PARD3B: variants seen among roughly 807,000 people sequenced by gnomAD.
PARD3B encodes the protein par-3 family cell polarity regulator beta, also known as partitioning defective 3 homolog B.
Under a neutral mutation model 130.2 loss-of-function variants are expected in PARD3B, and 103 were observed. The ratio of observed to expected loss-of-function variants is 0.79; its 90% CI spans 0.67 to 0.93. PARD3B has a LOEUF of 0.93. Ranked by LOEUF, PARD3B falls within the 40% of genes least tolerant of loss-of-function variation. The pLI is 0.00. For missense variants in PARD3B, 1,609 were observed against 1,499.2 expected (o/e 1.07, Z -1.21); for synonymous variants, 583 against 553.2 (o/e 1.05, Z -0.76).
intron 16 of PARD3B, among the ~76,000 whole-genome samples, chr2:205,259,606 A>G (rs1162810326): frequency 6.6e-6 from 1 of 151,974 alleles, no homozygotes; most frequent in Non-Finnish European, 1.5e-5. Flanking sequence ...AATGTTTTTT[A>G]TCACTTCTGG....
intron 1 of PARD3B, 165 bp downstream of exon 1, chr2:204,546,284 G>C (rs1196668181): frequency 2.0e-6 from 2 of 1,010,882 alleles, no homozygotes; most frequent in Non-Finnish European, 1.4e-6. Context: ...GGTGTCTTTG[G>C]GTGTTTGTGG....
intron 1 of PARD3B, among the ~76,000 whole-genome samples, chr2:204,602,056 C>G (rs911483523): frequency 8.6e-5 from 13 of 151,952 alleles, no homozygotes; most frequent in Admixed American, 3.3e-4. Context: ...TATTTCTCAT[C>G]TAGGGTAGAT....
At chr2:205,144,768 A>G (rs2033224290) in intron 10 of PARD3B, among the ~76,000 whole-genome samples, 1 of 152,158 alleles carries the variant, frequency 6.6e-6, no homozygotes, top group Non-Finnish European at 1.5e-5. Context: ...TGGAATTTCG[A>G]ATTATTTATC....
At position 205,550,870 on chromosome 2, in the gene PARD3B, A is replaced by G. The variant is rs1414923389; in HGVS notation, c.3181-2454A>G. On this transcript the variant is annotated intron_variant, in intron 21 of 22. Transcript: ENST00000406610. The surrounding 1 kb of genome is among the most constrained non-coding windows in gnomAD (Gnocchi z 4.5). ...ATTTTATATGTATATTTGTATGTAT[A>G]TATGTATATTTGTATGTATATATAC... Among the ~76,000 whole-genome samples the G allele has an allele frequency of 1.4e-5, 2 of 147,974 alleles. No homozygotes were observed. Among genetic ancestry groups the G allele is most frequent in the Non-Finnish European group, 3.0e-5 (2 of 67,300 alleles).
chr2:205,256,864 A>G (rs2040109154), intron 16 of PARD3B, among the ~76,000 whole-genome samples: 1 of 151,384 alleles, frequency 6.6e-6, no homozygotes, highest in South Asian at 2.1e-4. Flanking sequence ...ATTTTGGAAG[A>G]AAAGAGAATA....
At chr2:204,703,588 T>G (rs781238832) in intron 2 of PARD3B, among the ~76,000 whole-genome samples, 1 of 152,180 alleles carries the variant, frequency 6.6e-6, no homozygotes, top group Non-Finnish European at 1.5e-5. Context: ...CAGACAGATT[T>G]TCTGATGAGG....
At chr2:205,163,623 A>T (rs940546271) in intron 11 of PARD3B, among the ~76,000 whole-genome samples, 1 of 152,210 alleles carries the variant, frequency 6.6e-6, no homozygotes, top group Non-Finnish European at 1.5e-5. Context: ...GAAAATGCAC[A>T]TCTCTAGAAT....
chr2:205,107,040 T>G (rs891399347), intron 5 of PARD3B, among the ~76,000 whole-genome samples: 5 of 152,230 alleles, frequency 3.3e-5, no homozygotes, highest in African/African-American at 9.6e-5. Context: ...GCTTGGCCCA[T>G]GCATAGGACT....
In PARD3B at chr2:205,301,792, C is replaced by T. The variant is rs756474429; in HGVS notation, c.2630+91C>T. 14 of 1,596,592 alleles carry T rather than the reference C, an allele frequency of 8.8e-6. No individual in the cohort carries two copies. The East Asian group carries it at 2.7e-4, about 31-fold the overall frequency. On this transcript the variant is annotated intron_variant, in intron 18 of 22. Coordinates refer to ENST00000406610, the MANE Select transcript of PARD3B (RefSeq NM_001302769.2). This position sits in a 1 kb window ranked among gnomAD's most constrained non-coding sequence, Gnocchi z 5.2. ...GTCTGTACTCAGAAAAAAGCGCACG[C>T]TTTTCCTCGTCTTCAGCCAAATGCA...
intron 3 of PARD3B, among the ~76,000 whole-genome samples, chr2:205,035,197 A>C (rs1228387202): frequency 6.6e-6 from 1 of 152,068 alleles, no homozygotes; most frequent in Non-Finnish European, 1.5e-5. Context: ...TCCATATGTA[A>C]TATCAATTTC....
At chr2:205,155,529 A>T (rs1328015714) in intron 10 of PARD3B, among the ~76,000 whole-genome samples, 2 of 152,226 alleles carry the variant, frequency 1.3e-5, no homozygotes, top group East Asian at 3.9e-4. Context: ...AAAAATGAAA[A>T]TAAAAAAATT....
intron 1 of PARD3B, among the ~76,000 whole-genome samples, chr2:204,671,374 G>C (rs2036290141): frequency 6.6e-6 from 1 of 152,150 alleles, no homozygotes; most frequent in Admixed American, 6.5e-5. Flanking sequence ...CTACCTAGGA[G>C]TGTTATCCTT....
At chr2:205,131,831 T>TTATTG (rs2032026007) in intron 10 of PARD3B, among the ~76,000 whole-genome samples, 1 of 152,168 alleles carries the variant, frequency 6.6e-6, no homozygotes, top group East Asian at 1.9e-4. Flanking sequence ...CTATTTTGAA[T>TTATTG]AAGTTTGGAG....
rs73057170 is a variant in PARD3B, at chr2:205,091,056, A to T, written c.505-13370A>T. Among the ~76,000 whole-genome samples, 174 of 152,330 alleles carry T rather than the reference A, an allele frequency of 1.1e-3. No individual in the cohort carries two copies. The highest frequency in any genetic ancestry group is 4.0e-3 in the African/African-American group (165 of 41,574). On this transcript the variant is annotated intron_variant, in intron 4 of 22. Coordinates refer to ENST00000406610, the MANE Select transcript of PARD3B (RefSeq NM_001302769.2). This position sits in a 1 kb window ranked among gnomAD's most constrained non-coding sequence, Gnocchi z 4.2. ...TCATCACTGTCTAATAGAAGCAGTT[A>T]TAAATATGTAAATTAAGCAATCTGA...
chr2:204,932,513 T>C (rs1328385982), intron 2 of PARD3B, among the ~76,000 whole-genome samples: 1 of 152,178 alleles, frequency 6.6e-6, no homozygotes, highest in Non-Finnish European at 1.5e-5. Context: ...AATGGTATCC[T>C]TTCTCCATAT....
intron 3 of PARD3B, among the ~76,000 whole-genome samples, chr2:204,979,837 T>C (rs1692516819): frequency 6.6e-6 from 1 of 152,162 alleles, no homozygotes; most frequent in African/African-American, 2.4e-5. Flanking sequence ...AAATCAGTGC[T>C]AGACAGATTA....
At chr2:204,914,274 C>G (rs1247786860) in intron 2 of PARD3B, among the ~76,000 whole-genome samples, 1 of 152,128 alleles carries the variant, frequency 6.6e-6, no homozygotes, top group African/African-American at 2.4e-5. Context: ...TTTTCTCACC[C>G]TTCAATGTGT....
chr2:204,826,326 T>C (rs1279026005), intron 2 of PARD3B, among the ~76,000 whole-genome samples: 1 of 152,172 alleles, frequency 6.6e-6, no homozygotes, highest in Non-Finnish European at 1.5e-5. Flanking sequence ...GAGTGAACTA[T>C]TGACTCAGGA....
intron 2 of PARD3B, among the ~76,000 whole-genome samples, chr2:204,935,333 T>G (rs1420947364): frequency 2.7e-5 from 4 of 147,344 alleles, no homozygotes; most frequent in Middle Eastern, 3.5e-3. Context: ...ATCAAGACCA[T>G]CCTGGCTAAC....
Sources: gnomAD v4.1 joint callset for allele counts (sites outside exome capture counted in the v4.1 genomes callset) on GRCh38, gnomAD v4.1.1 for gene constraint, Gnocchi (gnomAD v3.1) non-coding constraint, MANE v1.5 for transcripts, NCBI Gene and HGNC (gene_info 2026-07-23, HGNC 2026-07-21) for gene names.